Variants in SRPK2 observed in about 807,000 individuals in gnomAD.
The protein encoded by SRPK2 is SFRS protein kinase 2.
A neutral mutation model predicts 90.8 loss-of-function variants in SRPK2; 21 were observed. The observed-to-expected ratio is 0.23, with a 90% confidence interval of 0.16 to 0.33. The LOEUF is 0.33. Among genes scored for constraint, SRPK2 ranks in the 10% least tolerant of loss-of-function variants. The probability of loss-of-function intolerance (pLI) is 1.00; values close to 1 mark genes in which losing one functional copy is unlikely to be tolerated. For synonymous variants in SRPK2, 288 were observed against 311.1 expected, an observed-to-expected ratio of 0.93 and a Z score of 0.78; for missense variants, 620 against 869.0, an observed-to-expected ratio of 0.71 and a Z score of 3.60.
intron 2 of SRPK2, chr7:105,269,035 T>C: frequency 7.6e-7 from 1 of 1,307,596 alleles, no homozygotes; most frequent in Non-Finnish European, 9.9e-7. Context: ...GGGAAAAAGC[T>C]CCAGAGGCAT....
intron 2 of SRPK2, among the ~76,000 whole-genome samples, chr7:105,374,116 G>A (rs542400404): frequency 4.7e-4 from 71 of 151,742 alleles, no homozygotes; most frequent in African/African-American, 1.7e-3. Context: ...TAGTAGAGAC[G>A]GGGTTTCACC....
chr7:105,190,659 A>T (rs143602513), intron 3 of SRPK2, among the ~76,000 whole-genome samples: 1 of 152,132 alleles, frequency 6.6e-6, no homozygotes, highest in Non-Finnish European at 1.5e-5. Flanking sequence ...AATGTGCCAC[A>T]CTGTTAGACT....
chr7:105,229,147 A>G (rs116788804), intron 2 of SRPK2, among the ~76,000 whole-genome samples: 1,891 of 152,214 alleles, frequency 0.012, 49 homozygotes, highest in African/African-American at 0.044. Context: ...CAAAATTTTG[A>G]AGGTACACTT....
intron 13 of SRPK2, among the ~76,000 whole-genome samples, chr7:105,130,805 A>G (rs968282835): frequency 6.9e-6 from 1 of 143,926 alleles, no homozygotes; most frequent in African/African-American, 2.8e-5. Flanking sequence ...CCCCTTTCCA[A>G]AAAAAAAAAA....
At chr7:105,150,458 G>A (rs1163363844) in intron 7 of SRPK2, among the ~76,000 whole-genome samples, 2 of 152,222 alleles carry the variant, frequency 1.3e-5, no homozygotes, top group African/African-American at 2.4e-5. Flanking sequence ...GGAGGTCACA[G>A]TGAGCTGAGA....
intron 2 of SRPK2, chr7:105,204,605 G>C: frequency 1.7e-6 from 1 of 582,852 alleles, no homozygotes; most frequent in Non-Finnish European, 3.1e-6. Flanking sequence ...TGAAGATGAC[G>C]GCTGCTGTGG....
Position 105,381,924 on chromosome 7 carries a change from T to A in SRPK2, c.71+6724A>T, listed in dbSNP as rs565642213. Among the ~76,000 whole-genome samples, 627 of 152,130 alleles carry A rather than the reference T, an allele frequency of 4.1e-3. 4 individuals carry two copies. The highest frequency in any genetic ancestry group is 0.018 in the South Asian group (89 of 4,812). On this transcript the variant is annotated intron_variant, in intron 2 of 15. Coordinates refer to ENST00000393651, the MANE Select transcript of SRPK2 (RefSeq NM_182692.3). ...GGCTCACGCCTGTAATCCCAACACT[T>A]TGGGAGGCTAAGGCAGGCAGATCAT...
At chr7:105,146,879 T>C (rs1804701357) in intron 7 of SRPK2, among the ~76,000 whole-genome samples, 1 of 152,200 alleles carries the variant, frequency 6.6e-6, no homozygotes, top group South Asian at 2.1e-4. Flanking sequence ...TTTATGCTCG[T>C]GGAAGCAAAT....
chr7:105,183,391 T>A (rs77489251), intron 3 of SRPK2, among the ~76,000 whole-genome samples: 2,227 of 152,326 alleles, frequency 0.015, 30 homozygotes, highest in African/African-American at 0.038. Flanking sequence ...AACACAATTT[T>A]AAATGCACTT....
At chr7:105,289,165 T>C (rs995866971) in intron 2 of SRPK2, among the ~76,000 whole-genome samples, 2 of 148,794 alleles carry the variant, frequency 1.3e-5, no homozygotes, top group Non-Finnish European at 1.5e-5. Flanking sequence ...TCCCAGCTAC[T>C]TGGGAGGCTG....
chr7:105,384,044 C>A (rs557790541), intron 2 of SRPK2, among the ~76,000 whole-genome samples: 1 of 152,092 alleles, frequency 6.6e-6, no homozygotes, highest in East Asian at 1.9e-4. Context: ...ATAACGGCTG[C>A]ACAATTTAAT....
At position 105,376,882 on chromosome 7, in the gene SRPK2, T is replaced by TACACACACAC. The variant is rs34080086; in HGVS notation, c.71+11756_71+11765dup. ...TTAATAAAAAGCACCTTTTCTCCTT[T>TACACACACAC]ACACACACACACACACACACACACA... On this transcript the variant is annotated intron_variant, in intron 2 of 15. Transcript: ENST00000393651. 6.0e-4 allele frequency among the ~76,000 whole-genome samples: 73 copies of TACACACACAC among 121,042 alleles called. 1 individual carries two copies. In the South Asian group the frequency reaches 9.9e-3, roughly 16 times the overall value. The allele number at this position is 121,042 out of a possible 152,430, so 79.4% of individuals were successfully genotyped here.
intron 2 of SRPK2, among the ~76,000 whole-genome samples, chr7:105,325,460 G>C (rs1303433795): frequency 1.0e-5 from 1 of 100,332 alleles, no homozygotes; most frequent in African/African-American, 3.7e-5. Flanking sequence ...ATCCTAATGA[G>C]GAACTAAGAC....
intron 7 of SRPK2, among the ~76,000 whole-genome samples, chr7:105,149,366 C>T (rs1402715675): frequency 3.3e-5 from 5 of 152,126 alleles, no homozygotes; most frequent in Admixed American, 6.5e-5. Context: ...AGTACCTTCC[C>T]TTGAACTTAA....
intron 3 of SRPK2, among the ~76,000 whole-genome samples, chr7:105,171,071 A>C (rs1791068338): frequency 6.9e-6 from 1 of 145,332 alleles, no homozygotes; most frequent in African/African-American, 2.5e-5. Context: ...AAAGAAAAGA[A>C]AGAAAGGGGA....
At chr7:105,376,546 T>C (rs1288394694) in intron 2 of SRPK2, among the ~76,000 whole-genome samples, 1 of 151,288 alleles carries the variant, frequency 6.6e-6, no homozygotes, top group Non-Finnish European at 1.5e-5. Context: ...TTTTTTTTTT[T>C]GGTGAGGGGA....
rs1262989433 is a variant in SRPK2, at chr7:105,176,713, G to GTA, written c.230-7449_230-7448insTA. Among the ~76,000 whole-genome samples the GTA allele has an allele frequency of 5.5e-5, 6 of 109,636 alleles. No individual in the cohort carries two copies. In the East Asian group the frequency reaches 1.5e-3, roughly 27 times the overall value. The allele number at this position is 109,636 out of a possible 152,430, so 71.9% of individuals were successfully genotyped here. The stretch of plus-strand genomic sequence containing the variant: ...TGTACATATATATGTATGTGTATGT[G>GTA]TGTGTGTGTGTGTATGTATGTATGT... On this transcript the variant is annotated intron_variant, in intron 3 of 15. Transcript: ENST00000393651.
At chr7:105,218,216 G>A (rs1797695523) in intron 2 of SRPK2, among the ~76,000 whole-genome samples, 1 of 152,202 alleles carries the variant, frequency 6.6e-6, no homozygotes, top group African/African-American at 2.4e-5. Flanking sequence ...CTGGGGTGAA[G>A]AATTTGAAGT....
chr7:105,195,539 T>C (rs1375404576), intron 3 of SRPK2, among the ~76,000 whole-genome samples: 1 of 152,194 alleles, frequency 6.6e-6, no homozygotes, highest in Non-Finnish European at 1.5e-5. Flanking sequence ...TTAAACCTAA[T>C]CTTCTACCAT....
Sources: allele counts gnomAD v4.1 joint callset (sites outside exome capture counted in the v4.1 genomes callset), GRCh38; gene constraint gnomAD v4.1.1; transcripts MANE v1.5; gene names NCBI Gene and HGNC (gene_info 2026-07-23, HGNC 2026-07-21).